LRRC51: variants seen among roughly 807,000 people sequenced by gnomAD.
LRRC51 encodes leucine-rich repeat-containing protein 51.
LRRC51 carries 8 observed loss-of-function variants against 17.8 expected under a neutral mutation model. That is an observed-to-expected ratio of 0.45 (90% CI 0.26 to 0.81). LRRC51 has a LOEUF of 0.81. Ranked by LOEUF, LRRC51 falls within the 30% of genes least tolerant of loss-of-function variation. The pLI is 0.17. For synonymous variants in LRRC51, 92 were observed against 96.0 expected (o/e 0.96, Z 0.24); for missense variants, 233 against 239.3 (o/e 0.97, Z 0.17).
At chr11:72,091,114 G>A (rs2511116) in intron 3 of LRRC51, among the ~76,000 whole-genome samples, 134,814 of 152,178 alleles carry the variant, frequency 0.89, 60,004 homozygotes, top group Non-Finnish European at 0.95. Context: ...TCCATCCTTG[G>A]TAAGAGCAGC....
At chr11:72,092,622 AC>A (rs1944925749) in intron 3 of LRRC51, among the ~76,000 whole-genome samples, 1 of 152,216 alleles carries the variant, frequency 6.6e-6, no homozygotes, top group Admixed American at 6.5e-5. Context: ...GACATTTGAG[AC>A]TTTTGACTGG....
intron 3 of LRRC51, among the ~76,000 whole-genome samples, chr11:72,092,927 G>A (rs1177945258): frequency 2.0e-5 from 3 of 152,168 alleles, no homozygotes; most frequent in Non-Finnish European, 4.4e-5. Context: ...TTGCCAGCTT[G>A]CTCCCATCTT....
intron 1 of LRRC51, among the ~76,000 whole-genome samples, chr11:72,087,287 C>CTT (rs58257513): frequency 3.7e-5 from 4 of 107,326 alleles, no homozygotes; most frequent in Admixed American, 9.9e-5. Flanking sequence ...AACAGAAATT[C>CTT]TTTTTTTTTT....
intron 1 of LRRC51, among the ~76,000 whole-genome samples, chr11:72,081,197 G>A (rs1327370124): frequency 2.0e-5 from 3 of 152,206 alleles, no homozygotes; most frequent in Non-Finnish European, 2.9e-5. Flanking sequence ...AAGGCGGGCG[G>A]ACCACTTAAG....
intron 5 of LRRC51, 74 bp downstream of exon 5, chr11:72,095,170 C>A (rs990042469): frequency 9.5e-6 from 15 of 1,586,254 alleles, no homozygotes; most frequent in African/African-American, 1.4e-5. Context: ...AACAAGAAAT[C>A]TACGACCATT....
intron 3 of LRRC51, among the ~76,000 whole-genome samples, chr11:72,092,312 C>G (rs990765180): frequency 6.6e-6 from 1 of 152,174 alleles, no homozygotes; most frequent in Non-Finnish European, 1.5e-5. Flanking sequence ...CATCACATTC[C>G]CAATGCTATT....
intron 3 of LRRC51, among the ~76,000 whole-genome samples, chr11:72,093,074 T>C (rs1356357673): frequency 6.6e-6 from 1 of 152,242 alleles, no homozygotes; most frequent in Admixed American, 6.5e-5. Context: ...TCAACATTCA[T>C]GGAAAGAGAG....
chr11:72,085,642 G>A (rs140061673), intron 1 of LRRC51: 67 of 152,254 alleles, frequency 4.4e-4, no homozygotes, highest in African/African-American at 1.6e-3. Flanking sequence ...AGTACAGTGG[G>A]GGCATGCAGA....
chr11:72,084,202 T>G (rs1944399130), intron 1 of LRRC51, among the ~76,000 whole-genome samples: 1 of 152,156 alleles, frequency 6.6e-6, no homozygotes, highest in South Asian at 2.1e-4. Context: ...TTGATTTTTT[T>G]TCCACCATCA....
In LRRC51 at chr11:72,093,666, G is replaced by A. The variant is rs151016482; in HGVS notation, c.253G>A (p.Asp85Asn). ...LEHPENLAWIDLSFNDLTSID... is the reference protein window; with the variant it reads ...LEHPENLAWINLSFNDLTSID... ...GCACCCAGAGAACCTGGCCTGGATC[G>A]ACCTGTCCTTTAATGACCTGACTTC... The change falls in exon 4 of 6, where the codon GAC becomes AAC. Residue 85 changes from aspartate (D) to asparagine (N), a missense_variant. By Grantham distance (23) the Asp-to-Asn change is conservative (BLOSUM62 1). Coordinates refer to ENST00000289488, the MANE Select transcript of LRRC51 (RefSeq NM_145309.6). 1.9e-4 allele frequency: 299 copies of A among 1,614,132 alleles called. 4 individuals are homozygous for A. Among genetic ancestry groups the A allele is most frequent in the Admixed American group, 1.5e-4 (9 of 60,018 alleles).
At position 72,096,633 on chromosome 11, in the gene LRRC51, A is replaced by G; in HGVS notation, c.*1113A>G. Reference sequence around the variant, plus strand: ...CGTGGGTTTACCACACAGCCTTGGGAAATTTATCTAACTCTCTGGGCCCCT... The same window carrying G: ...CGTGGGTTTACCACACAGCCTTGGGGAATTTATCTAACTCTCTGGGCCCCT... On this transcript the variant is annotated 3_prime_UTR_variant, in exon 6 of 6. Coordinates refer to ENST00000289488, the MANE Select transcript of LRRC51 (RefSeq NM_145309.6). 1 of 1,520,142 alleles carries G rather than the reference A, an allele frequency of 6.6e-7. No homozygotes were observed. The highest frequency in any genetic ancestry group is 8.8e-7 in the Non-Finnish European group (1 of 1,133,410). 94.2% of individuals were successfully genotyped at this position (1,520,142 alleles called of 1,614,324 possible). A position where few individuals can be genotyped will look rare whatever the true frequency, so the allele number is the denominator to read the frequency against.
intron 3 of LRRC51, among the ~76,000 whole-genome samples, chr11:72,090,698 C>T (rs572089401): frequency 1.3e-4 from 20 of 152,166 alleles, no homozygotes; most frequent in South Asian, 4.1e-4. Context: ...GAATCTGAAA[C>T]GGCAGTGCCT....
chr11:72,082,357 G>A (rs754289044), intron 1 of LRRC51, among the ~76,000 whole-genome samples: 2 of 152,066 alleles, frequency 1.3e-5, no homozygotes, highest in Non-Finnish European at 2.9e-5. Context: ...TTGGTCCTAC[G>A]CCCTCTTGCC....
intron 2 of LRRC51, chr11:72,088,642 C>T (rs1363770056): frequency 1.8e-6 from 1 of 558,078 alleles, no homozygotes; most frequent in Non-Finnish European, 3.2e-6. Flanking sequence ...GGTATCAAGA[C>T]AGTCTCCACA....
chr11:72,086,506 G>C, intron 1 of LRRC51: 3 of 700,236 alleles, frequency 4.3e-6, no homozygotes, highest in Non-Finnish European at 7.8e-6. Flanking sequence ...GAAATCCTCA[G>C]AATTGGCAGT....
rs1460891434 is a variant in LRRC51 at position 72,095,945 on chromosome 11, C to T, written c.*425C>T. 3.6e-5 allele frequency: 9 copies of T among 250,372 alleles called. No homozygotes were observed. Among genetic ancestry groups the T allele is most frequent in the Admixed American group, 1.5e-4 (3 of 19,934 alleles). The allele number at this position is 250,372 out of a possible 1,614,324, so 15.5% of individuals were successfully genotyped here. On this transcript the variant is annotated 3_prime_UTR_variant, in exon 6 of 6. Coordinates refer to ENST00000289488, the MANE Select transcript of LRRC51 (RefSeq NM_145309.6). ...GCAACCTCCGCCTGCTGGGTTCAAGCGATTCTCCTGCCTCAGCCTCCTGAG... is the reference window on the plus strand; with the variant it reads ...GCAACCTCCGCCTGCTGGGTTCAAGTGATTCTCCTGCCTCAGCCTCCTGAG...
In LRRC51 at chr11:72,091,664, G is replaced by A. The variant is rs77348909; in HGVS notation, c.83-1832G>A. Among the ~76,000 whole-genome samples, 304 of 152,308 alleles carry A rather than the reference G, an allele frequency of 2.0e-3. 1 individual carries two copies. In the East Asian group the frequency reaches 0.022, roughly 11 times the overall value. ...GAGGCTTTGGGGTGTTCCATACACC[G>A]GGGTTCTAACATAATCCTATTCCCT... On this transcript the variant is annotated intron_variant, in intron 3 of 5. Coordinates refer to ENST00000289488, the MANE Select transcript of LRRC51 (RefSeq NM_145309.6).
rs770236344 is a variant in LRRC51, at chr11:72,089,109, C to A, written c.26C>A (p.Thr9Asn). 1.2e-6 allele frequency: 2 copies of A among 1,614,150 alleles called. No individual in the cohort carries two copies. Among genetic ancestry groups the A allele is most frequent in the Admixed American group, 3.3e-5 (2 of 60,026 alleles). ...ATGAACAAACGGGACTATATGAACA[C>A]TTCGGTACAGGAGCCCCCTCTTGAC... MNKRDYMN[T>N]SVQEPPLDYS... Residue 9 changes from threonine to asparagine, a missense_variant, in exon 3 of 6, where the codon ACT (threonine) becomes AAT (asparagine). Physicochemically the swap from Thr to Asn is moderately conservative, Grantham distance 65. Coordinates refer to ENST00000289488, the MANE Select transcript of LRRC51 (RefSeq NM_145309.6).
rs1229850554 is a variant in LRRC51 at position 72,095,664 on chromosome 11, G to A, written c.*144G>A. On this transcript the variant is annotated 3_prime_UTR_variant, in exon 6 of 6. Coordinates refer to ENST00000289488, the MANE Select transcript of LRRC51 (RefSeq NM_145309.6). ...ACTCAGGCAACTGCAAGTAGCTCTA[G>A]CCTTTTCTTTTCTTTTTTTTTTTTT... 1 of 1,503,020 alleles carries A rather than the reference G, an allele frequency of 6.7e-7. No individual in the cohort carries two copies. The highest frequency in any genetic ancestry group is 2.5e-5 in the East Asian group (1 of 40,148). 93.1% of individuals were successfully genotyped at this position (1,503,020 alleles called of 1,614,324 possible). A position where few individuals can be genotyped will look rare whatever the true frequency, so the allele number is the denominator to read the frequency against.
Sources: allele counts gnomAD v4.1 joint callset (sites outside exome capture counted in the v4.1 genomes callset), GRCh38; gene constraint gnomAD v4.1.1; transcripts MANE v1.5; gene names NCBI Gene and HGNC (gene_info 2026-07-23, HGNC 2026-07-21).